Variants in PTPN13 observed in about 807,000 individuals in gnomAD.
PTPN13 encodes tyrosine-protein phosphatase non-receptor type 13.
A neutral mutation model predicts 284.0 loss-of-function variants in PTPN13; 191 were observed. That is an observed-to-expected ratio of 0.67 (90% CI 0.60 to 0.76). The LOEUF (loss-of-function observed/expected upper bound fraction) is 0.76, where lower values mean the gene tolerates loss of function less well. Ranked by LOEUF, PTPN13 falls within the 30% of genes least tolerant of loss-of-function variation. The pLI, the probability that PTPN13 is intolerant of heterozygous loss-of-function variation, is 0.00. For synonymous variants in PTPN13, 986 were observed against 1,022.3 expected (o/e 0.96, Z 0.68); for missense variants, 2,797 against 2,939.9 (o/e 0.95, Z 1.12).
intron 28 of PTPN13, 61 bp downstream of exon 28, chr4:86,768,037 A>T: frequency 6.7e-7 from 1 of 1,494,374 alleles, no homozygotes; most frequent in Non-Finnish European, 9.0e-7. Context: ...TCAAAATTTG[A>T]TTTTTACATG....
intron 1 of PTPN13, chr4:86,595,679 G>C: frequency 1.1e-6 from 1 of 899,844 alleles, no homozygotes; most frequent in Admixed American, 6.2e-5. Flanking sequence ...TTCATAGGGA[G>C]CTGCCTGGAG....
In PTPN13 at chr4:86,735,645, A is replaced by G. The variant is rs1245671262; in HGVS notation, c.2203A>G (p.Met735Val). The change falls in exon 15 of 48, where the codon ATG becomes GTG. Residue 735 changes from methionine to valine, a missense_variant. Physicochemically the swap from Met to Val is conservative, Grantham distance 21. Transcript: ENST00000411767. ...RMEHYLPARV[M>V]EKLDLSYIKE... ...GGAGCACTATTTGCCCGCCAGAGTGATGGAGAAACTTGATTTATCCTATAT... is the reference window on the plus strand; with the variant it reads ...GGAGCACTATTTGCCCGCCAGAGTGGTGGAGAAACTTGATTTATCCTATAT... 1 of 1,613,528 alleles carries G rather than the reference A, an allele frequency of 6.2e-7. No homozygotes were observed. The highest frequency in any genetic ancestry group is 2.2e-5 in the East Asian group (1 of 44,852).
chr4:86,764,938 T>C (rs1233925777), intron 25 of PTPN13, among the ~76,000 whole-genome samples: 1 of 152,220 alleles, frequency 6.6e-6, no homozygotes, highest in African/African-American at 2.4e-5. Flanking sequence ...ACTACCTTTT[T>C]CTCCATAGAT....
intron 26 of PTPN13, 93 bp from the exon 27 acceptor site, chr4:86,766,339 T>G: frequency 2.1e-6 from 2 of 955,154 alleles, no homozygotes; most frequent in Non-Finnish European, 3.1e-6. Flanking sequence ...TTTGCCTGAG[T>G]CCCTCCTCAA....
intron 9 of PTPN13, among the ~76,000 whole-genome samples, chr4:86,721,068 G>GTTGTTT (rs1234169503): frequency 6.6e-6 from 1 of 151,830 alleles, no homozygotes; most frequent in Admixed American, 6.6e-5. Flanking sequence ...TCCAAACAGA[G>GTTGTTT]TTGTTTTTGT....
intron 31 of PTPN13, 114 bp downstream of exon 31, chr4:86,771,649 G>C: frequency 8.6e-7 from 1 of 1,159,218 alleles, no homozygotes. Context: ...CTTCACAGTG[G>C]TTAGGCAGAG....
At chr4:86,624,823 C>G (rs1238009059) in intron 1 of PTPN13, among the ~76,000 whole-genome samples, 4 of 152,096 alleles carry the variant, frequency 2.6e-5, no homozygotes, top group African/African-American at 9.7e-5. Context: ...GAACCTGACT[C>G]TAAAAAGCAA....
At chr4:86,779,463 C>A (rs904116457) in intron 35 of PTPN13, among the ~76,000 whole-genome samples, 9 of 151,748 alleles carry the variant, frequency 5.9e-5, no homozygotes, top group Admixed American at 5.2e-4. Context: ...GATTTGTACA[C>A]ATGCAATAGG....
intron 1 of PTPN13, among the ~76,000 whole-genome samples, chr4:86,622,099 A>G (rs1339270857): frequency 6.6e-6 from 1 of 151,990 alleles, no homozygotes; most frequent in Non-Finnish European, 1.5e-5. Flanking sequence ...TATCATTACA[A>G]CCCCCTGTGT....
intron 14 of PTPN13, 71 bp from the exon 15 acceptor site, chr4:86,735,523 T>C (rs1735393726): frequency 9.1e-6 from 14 of 1,536,272 alleles, no homozygotes; most frequent in Admixed American, 2.2e-5. Flanking sequence ...GCAAGAACTT[T>C]AAGATAGAAG....
chr4:86,789,374 T>C (rs1014321377), intron 40 of PTPN13, among the ~76,000 whole-genome samples: 3 of 152,228 alleles, frequency 2.0e-5, no homozygotes, highest in African/African-American at 4.8e-5. Flanking sequence ...CCTGCTTGAC[T>C]GGTTGGATCT....
At chr4:86,786,018 A>G in intron 40 of PTPN13, 82 bp downstream of exon 40, 1 of 699,390 alleles carries the variant, frequency 1.4e-6, no homozygotes, top group Non-Finnish European at 2.1e-6. Flanking sequence ...ATAATCAGAG[A>G]TTCTTTCCTG....
intron 1 of PTPN13, among the ~76,000 whole-genome samples, chr4:86,607,196 G>T (rs1299987131): frequency 6.6e-6 from 1 of 151,068 alleles, no homozygotes; most frequent in Non-Finnish European, 1.5e-5. Context: ...CCTAATGAGG[G>T]ATATCATAAA....
intron 1 of PTPN13, among the ~76,000 whole-genome samples, chr4:86,625,478 T>C (rs1444667466): frequency 6.6e-6 from 1 of 152,180 alleles, no homozygotes; most frequent in East Asian, 1.9e-4. Flanking sequence ...CTTTGAACCA[T>C]TATGATATTT....
intron 40 of PTPN13, 135 bp from the exon 41 acceptor site, chr4:86,796,739 G>A: frequency 1.6e-6 from 1 of 613,686 alleles, no homozygotes. Context: ...TGTATTAATT[G>A]AATGTCATAT....
chr4:86,791,944 C>G (rs1230225396), intron 40 of PTPN13, among the ~76,000 whole-genome samples: 3 of 152,160 alleles, frequency 2.0e-5, no homozygotes, highest in Admixed American at 1.3e-4. Flanking sequence ...CAGAGTGCCT[C>G]TTCTCCTCCA....
intron 44 of PTPN13, among the ~76,000 whole-genome samples, chr4:86,806,572 G>A (rs963730109): frequency 6.6e-6 from 1 of 152,064 alleles, no homozygotes; most frequent in Non-Finnish European, 1.5e-5. Context: ...AGTTATTTTA[G>A]ACAGCAAAAT....
intron 17 of PTPN13, among the ~76,000 whole-genome samples, chr4:86,746,290 C>G (rs1162872915): frequency 6.6e-6 from 1 of 152,086 alleles, no homozygotes; most frequent in East Asian, 1.9e-4. Context: ...AAATCTAATT[C>G]TACATAGTAA....
chr4:86,754,879 A>G (rs1737793316), intron 20 of PTPN13, among the ~76,000 whole-genome samples: 1 of 152,086 alleles, frequency 6.6e-6, no homozygotes, highest in African/African-American at 2.4e-5. Context: ...ACCTTCATAT[A>G]GAGGTATGCC....
Sources: allele counts gnomAD v4.1 joint callset (sites outside exome capture counted in the v4.1 genomes callset), GRCh38; gene constraint gnomAD v4.1.1; transcripts MANE v1.5; gene names NCBI Gene and HGNC (gene_info 2026-07-23, HGNC 2026-07-21).